The following UVRAG variants were observed in gnomAD, a reference collection of about 807,000 sequenced individuals.
The protein encoded by UVRAG is UV radiation resistance associated, also known as UV radiation resistance-associated gene protein.
In UVRAG, 19 loss-of-function variants were observed where a neutral mutation model predicts 78.0. The observed-to-expected ratio is 0.24, with a 90% CI of 0.17 to 0.36. The LOEUF (loss-of-function observed/expected upper bound fraction) is 0.36. UVRAG is among the 10% of genes least tolerant of loss of function. The pLI is 1.00. For synonymous variants in UVRAG, 323 were observed against 324.6 expected, an observed-to-expected ratio of 1.00 and a Z score of 0.05; for missense variants, 740 against 853.8, an observed-to-expected ratio of 0.87 and a Z score of 1.66.
intron 5 of UVRAG, among the ~76,000 whole-genome samples, chr11:75,898,882 A>ATAC (rs1419580693): frequency 1.3e-5 from 2 of 152,168 alleles, no homozygotes; most frequent in Non-Finnish European, 2.9e-5. Flanking sequence ...CTTGCTAGTC[A>ATAC]TACTAATGGA....
At chr11:75,855,312 G>A (rs55740367) in intron 2 of UVRAG, among the ~76,000 whole-genome samples, 11,685 of 152,232 alleles carry the variant, frequency 0.077, 1,473 homozygotes, top group African/African-American at 0.26. Context: ...GGGGAAGTCC[G>A]GGGTCTGGTG....
At chr11:75,823,431 T>G (rs921363580) in intron 1 of UVRAG, among the ~76,000 whole-genome samples, 1 of 152,186 alleles carries the variant, frequency 6.6e-6, no homozygotes, top group Non-Finnish European at 1.5e-5. Flanking sequence ...ACTCCTGGAC[T>G]CAAATTATGT....
intron 12 of UVRAG, among the ~76,000 whole-genome samples, chr11:76,051,851 CT>C (rs1168173394): frequency 3.3e-5 from 5 of 152,138 alleles, no homozygotes; most frequent in African/African-American, 1.2e-4. Flanking sequence ...ACAATCACTC[CT>C]CTTTTTGTTC....
chr11:75,928,961 A>AAAAAGG (rs767893577), intron 6 of UVRAG, among the ~76,000 whole-genome samples: 1 of 142,934 alleles, frequency 7.0e-6, no homozygotes, highest in African/African-American at 2.8e-5. Context: ...AAAAAAAAAA[A>AAAAAGG]AAAGAATTGA....
intron 4 of UVRAG, among the ~76,000 whole-genome samples, chr11:75,881,257 A>G (rs960988165): frequency 6.6e-6 from 1 of 152,208 alleles, no homozygotes; most frequent in African/African-American, 2.4e-5. Flanking sequence ...GACGTGCCCA[A>G]GGTGGTTGGG....
rs1383100981 is a variant in UVRAG at position 76,140,900 on chromosome 11, GC to G, written c.1589del (p.Pro530LeufsTer2). 1 of 1,614,108 alleles carries G rather than the reference GC, an allele frequency of 6.2e-7. No individual in the cohort carries two copies. Among genetic ancestry groups the G allele is most frequent in the East Asian group, 2.2e-5 (1 of 44,882 alleles). The stretch of plus-strand genomic sequence containing the variant: ...CCAGTTACAACTCAGCATTAGCCCA[GC>G]CTGTGACCACCGTCCCCTCCATGGG... ...PPSYNSALAQ[P>X]VTTVPSMGET... On this transcript the variant is annotated frameshift_variant, in exon 15 of 15. Transcript: ENST00000356136. LOFTEE classifies it high-confidence loss of function.
chr11:75,999,590 A>G (rs1328396085), intron 8 of UVRAG, among the ~76,000 whole-genome samples: 1 of 152,094 alleles, frequency 6.6e-6, no homozygotes, highest in East Asian at 1.9e-4. Context: ...TATGTTGGTC[A>G]GGCTGGTCTC....
At chr11:75,818,097 A>C (rs945854705) in intron 1 of UVRAG, among the ~76,000 whole-genome samples, 16 of 151,826 alleles carry the variant, frequency 1.1e-4, no homozygotes, top group Admixed American at 3.9e-4. Context: ...AAAACCCCCC[A>C]AAAACCCCAA....
rs973660243 is a variant in UVRAG, at chr11:76,137,842, G to T, written c.1398-2869G>T. 3.5e-5 allele frequency: 8 copies of T among 230,972 alleles called. 1 individual carries two copies. In the South Asian group the frequency reaches 5.1e-4, roughly 15 times the overall value. 14.3% of individuals were successfully genotyped at this position (230,972 alleles called of 1,614,324 possible). ...AGGATCCCTTAAGGCCAGGAGTTGA[G>T]GCTGCAGTGAGCTGTGATCACACCA... On this transcript the variant is annotated intron_variant, in intron 14 of 14. Transcript: ENST00000356136.
chr11:76,089,572 A>G (rs1399418346), intron 13 of UVRAG, among the ~76,000 whole-genome samples: 1 of 152,208 alleles, frequency 6.6e-6, no homozygotes, highest in East Asian at 1.9e-4. Flanking sequence ...ACTCAACCCT[A>G]GAGTTCTGGC....
At chr11:76,005,654 A>G (rs1949920714) in intron 9 of UVRAG, among the ~76,000 whole-genome samples, 1 of 152,258 alleles carries the variant, frequency 6.6e-6, no homozygotes, top group Middle Eastern at 3.2e-3. Flanking sequence ...TTAAGGACTC[A>G]TTCCCACAAG....
intron 4 of UVRAG, among the ~76,000 whole-genome samples, chr11:75,887,528 A>C (rs1230532072): frequency 6.7e-6 from 1 of 148,992 alleles, no homozygotes; most frequent in African/African-American, 2.5e-5. Flanking sequence ...GCTCTCTGCA[A>C]GCTCTGCCTC....
At chr11:76,065,648 C>A in intron 12 of UVRAG, 62 bp from the exon 13 acceptor site, 1 of 1,502,666 alleles carries the variant, frequency 6.7e-7, no homozygotes, top group African/African-American at 1.4e-5. Context: ...CCTCTGTTGA[C>A]AACTTGGAGG....
At chr11:76,022,429 C>A (rs184263848) in intron 12 of UVRAG, among the ~76,000 whole-genome samples, 3 of 151,774 alleles carry the variant, frequency 2.0e-5, no homozygotes, top group Admixed American at 6.5e-5. Flanking sequence ...TTTCTCCTTT[C>A]AATTCTGTCA....
Position 75,983,548 on chromosome 11 carries a change from C to T in UVRAG, c.826+35C>T, listed in dbSNP as rs772449673. The T allele has an allele frequency of 3.3e-6, 5 of 1,518,546 alleles. No homozygotes were observed. The Admixed American group carries it at 1.0e-4, about 31-fold the overall frequency. The allele number at this position is 1,518,546 out of a possible 1,614,324, so 94.1% of individuals were successfully genotyped here. A position where few individuals can be genotyped will look rare whatever the true frequency, so the allele number is the denominator to read the frequency against. ...AATACCATACAAACAGCCTAACCTC[C>T]ACATTCAGTAGTTCTCCTTTCTTCT... On this transcript the variant is annotated intron_variant, in intron 8 of 14. Transcript: ENST00000356136.
At chr11:75,845,246 C>T (rs1422455862) in intron 1 of UVRAG, among the ~76,000 whole-genome samples, 3 of 152,068 alleles carry the variant, frequency 2.0e-5, no homozygotes, top group Non-Finnish European at 2.9e-5. Context: ...ATTAAAATCC[C>T]CTATTCAGCT....
intron 4 of UVRAG, among the ~76,000 whole-genome samples, chr11:75,880,928 C>CTTTTTTTTTTTTT (rs773034018): frequency 1.3e-4 from 11 of 87,704 alleles, no homozygotes; most frequent in Non-Finnish European, 2.1e-4. Context: ...TTATTTACTT[C>CTTTTTTTTTTTTT]TTTTTTTTTT....
chr11:76,031,344 G>A (rs1950434140), intron 12 of UVRAG, among the ~76,000 whole-genome samples: 1 of 152,190 alleles, frequency 6.6e-6, no homozygotes, highest in South Asian at 2.1e-4. Context: ...GGTGGCTGCT[G>A]GGTGAGACAG....
At chr11:75,988,333 T>G (rs1949540957) in intron 8 of UVRAG, among the ~76,000 whole-genome samples, 1 of 152,260 alleles carries the variant, frequency 6.6e-6, no homozygotes. Flanking sequence ...ACCATTTTCC[T>G]TTTCTAGCAT....
Sources: allele counts gnomAD v4.1 joint callset (sites outside exome capture counted in the v4.1 genomes callset), GRCh38; gene constraint gnomAD v4.1.1; transcripts MANE v1.5; gene names NCBI Gene and HGNC (gene_info 2026-07-23, HGNC 2026-07-21).